The following SRBD1 variants were observed in gnomAD, a reference collection of about 807,000 sequenced individuals.
SRBD1 encodes S1 RNA binding domain 1.
In SRBD1, 88 loss-of-function variants were observed where a neutral mutation model predicts 115.3. That is an observed-to-expected ratio of 0.76 (90% confidence interval 0.64 to 0.91). SRBD1 has a LOEUF of 0.91. Ranked by LOEUF, SRBD1 falls within the 40% of genes least tolerant of loss-of-function variation. SRBD1 has a pLI of 0.00. For missense variants in SRBD1, 1,385 were observed against 1,177.4 expected, an observed-to-expected ratio of 1.18 and a Z score of -2.58; for synonymous variants, 509 against 407.7, an observed-to-expected ratio of 1.25 and a Z score of -2.99.
intron 19 of SRBD1, among the ~76,000 whole-genome samples, chr2:45,397,442 T>A (rs950636466): frequency 6.6e-6 from 1 of 152,224 alleles, no homozygotes; most frequent in Non-Finnish European, 1.5e-5. Context: ...CTGCTGCTCC[T>A]TTATGCTATC....
intron 18 of SRBD1, among the ~76,000 whole-genome samples, chr2:45,414,486 CAGTGTGTATATAGTGTGTGTGT>C (rs1558562732): frequency 2.8e-5 from 4 of 144,582 alleles, no homozygotes; most frequent in Admixed American, 6.8e-5. Flanking sequence ...TGTGTGTGTA[CAGTGTGTATATAGTGTGTGTGT>C]ACACACATAG....
At chr2:45,441,687 G>A (rs898762600) in intron 16 of SRBD1, among the ~76,000 whole-genome samples, 4 of 152,182 alleles carry the variant, frequency 2.6e-5, no homozygotes, top group Non-Finnish European at 5.9e-5. Flanking sequence ...CTGAAGCTGG[G>A]AATTTGGTTT....
At chr2:45,411,750 T>C (rs1667609271) in intron 19 of SRBD1, among the ~76,000 whole-genome samples, 1 of 152,216 alleles carries the variant, frequency 6.6e-6, no homozygotes. Context: ...GTTAATTATA[T>C]GAATGCTTAA....
At chr2:45,502,070 G>A (rs367744451) in intron 14 of SRBD1, among the ~76,000 whole-genome samples, 25 of 152,176 alleles carry the variant, frequency 1.6e-4, no homozygotes, top group African/African-American at 3.9e-4. Flanking sequence ...TCACACGGCC[G>A]GGTACCCCTC....
intron 20 of SRBD1, among the ~76,000 whole-genome samples, chr2:45,392,425 G>A (rs1038349711): frequency 6.6e-6 from 1 of 152,198 alleles, no homozygotes; most frequent in Admixed American, 6.5e-5. Context: ...TTACATGGAA[G>A]TATAATTCCC....
intron 4 of SRBD1, among the ~76,000 whole-genome samples, chr2:45,597,185 AAG>A (rs1225484671): frequency 1.2e-4 from 18 of 152,098 alleles, no homozygotes; most frequent in Non-Finnish European, 2.1e-4. Context: ...CTTTGGGAGA[AAG>A]AGGTGGGCGG....
At chr2:45,522,791 C>T (rs145458454) in intron 14 of SRBD1, among the ~76,000 whole-genome samples, 1 of 152,108 alleles carries the variant, frequency 6.6e-6, no homozygotes, top group African/African-American at 2.4e-5. Flanking sequence ...ATTTTCTTTT[C>T]TCTGGCTTAC....
chr2:45,570,457 G>A (rs1372070217), intron 9 of SRBD1, among the ~76,000 whole-genome samples: 2 of 152,196 alleles, frequency 1.3e-5, no homozygotes, highest in African/African-American at 4.8e-5. Context: ...CTCTGGAATA[G>A]AATGAGGAGT....
At chr2:45,402,169 G>T (rs994416250) in intron 19 of SRBD1, among the ~76,000 whole-genome samples, 7 of 152,122 alleles carry the variant, frequency 4.6e-5, no homozygotes, top group Admixed American at 6.6e-5. Context: ...CAGGGCACCA[G>T]TTAGGAATCT....
chr2:45,434,945 G>A (rs1203687924), intron 16 of SRBD1, among the ~76,000 whole-genome samples: 14 of 143,934 alleles, frequency 9.7e-5, no homozygotes, highest in East Asian at 4.6e-4. Flanking sequence ...GACAGGCCCC[G>A]GTGTGTGATG....
intron 14 of SRBD1, among the ~76,000 whole-genome samples, chr2:45,528,258 C>A (rs1255760248): frequency 6.6e-6 from 1 of 151,702 alleles, no homozygotes; most frequent in Non-Finnish European, 1.5e-5. Context: ...AAGCGAGTAT[C>A]AAGAGACTAT....
chr2:45,518,965 A>T (rs1052725569), intron 14 of SRBD1, among the ~76,000 whole-genome samples: 5 of 96,356 alleles, frequency 5.2e-5, no homozygotes, highest in South Asian at 3.4e-4. Flanking sequence ...GAATAAGGCT[A>T]AAAAAAAAAA....
chr2:45,585,830 A>C, intron 4 of SRBD1, 56 bp from the exon 5 acceptor site: 2 of 1,372,070 alleles, frequency 1.5e-6, no homozygotes, highest in Non-Finnish European at 2.0e-6. Context: ...CATCTATATC[A>C]TGTATAATTT....
At chr2:45,556,738 T>G (rs561329823) in intron 10 of SRBD1, among the ~76,000 whole-genome samples, 35 of 152,224 alleles carry the variant, frequency 2.3e-4, no homozygotes, top group Admixed American at 2.2e-3. Context: ...GCTGGGATTA[T>G]AGGCGTGACC....
intron 20 of SRBD1, among the ~76,000 whole-genome samples, chr2:45,392,688 T>C (rs981317228): frequency 3.9e-5 from 6 of 152,186 alleles, no homozygotes; most frequent in Non-Finnish European, 7.4e-5. Context: ...CAGCAGTACA[T>C]GCATGATGCA....
chr2:45,574,439 T>C (rs1202693855), intron 8 of SRBD1, among the ~76,000 whole-genome samples, 188 bp downstream of exon 8: 2 of 152,178 alleles, frequency 1.3e-5, no homozygotes, highest in Non-Finnish European at 2.9e-5. Flanking sequence ...TGTCCAGAAT[T>C]CAATTAAAAC....
intron 16 of SRBD1, among the ~76,000 whole-genome samples, chr2:45,471,770 C>T (rs1254202387): frequency 6.6e-6 from 1 of 152,028 alleles, no homozygotes; most frequent in Non-Finnish European, 1.5e-5. Context: ...GTTTCTTCCA[C>T]AGTAAATGGT....
At chr2:45,531,899 C>A (rs1331269158) in intron 14 of SRBD1, among the ~76,000 whole-genome samples, 1 of 151,776 alleles carries the variant, frequency 6.6e-6, no homozygotes, top group Admixed American at 6.6e-5. Flanking sequence ...ACTGGTTGAA[C>A]AATCTCTGAA....
At chr2:45,577,349 A>G (rs1020489696) in intron 7 of SRBD1, among the ~76,000 whole-genome samples, 2 of 152,254 alleles carry the variant, frequency 1.3e-5, no homozygotes, top group African/African-American at 4.8e-5. Context: ...TTAGCACCTC[A>G]GTTAAATCAG....
Sources: gnomAD v4.1 joint callset for allele counts (sites outside exome capture counted in the v4.1 genomes callset) on GRCh38, gnomAD v4.1.1 for gene constraint, MANE v1.5 for transcripts, NCBI Gene and HGNC (gene_info 2026-07-23, HGNC 2026-07-21) for gene names.